The following GRIK2 variants were observed in gnomAD, a reference collection of about 807,000 sequenced individuals.
The protein encoded by GRIK2 is glutamate ionotropic receptor kainate type subunit 2, also known as glutamate receptor ionotropic, kainate 2.
In GRIK2, 32 loss-of-function variants were observed where a neutral mutation model predicts 100.3. That is an observed-to-expected ratio of 0.32 (90% confidence interval 0.24 to 0.43). The LOEUF is 0.43. Among genes scored for constraint, GRIK2 ranks in the 20% least tolerant of loss-of-function variants. GRIK2 has a pLI of 1.00. For synonymous variants in GRIK2, 417 were observed against 389.4 expected, an observed-to-expected ratio of 1.07 and a Z score of -0.83; for missense variants, 843 against 1,114.9, an observed-to-expected ratio of 0.76 and a Z score of 3.47.
intron 10 of GRIK2, among the ~76,000 whole-genome samples, chr6:101,857,917 T>C: frequency 6.6e-6 from 1 of 152,194 alleles, no homozygotes; most frequent in East Asian, 1.9e-4. Context: ...TCTGTCACAC[T>C]GTTGCCAATT....
rs543908721 is a variant in GRIK2 at position 101,657,065 on chromosome 6, A to G, written c.542-19558A>G. On this transcript the variant is annotated intron_variant, in intron 4 of 16. Coordinates refer to ENST00000369134, the MANE Select transcript of GRIK2 (RefSeq NM_021956.5). ...GTGGGGCTGACAATATTTCTTCTTC[A>G]TAGAGTTCATGTGGATAAAATACAC... Among the ~76,000 whole-genome samples, 3 of 152,300 alleles carry G rather than the reference A, an allele frequency of 2.0e-5. No homozygotes were observed. In the South Asian group the frequency reaches 6.2e-4, roughly 32 times the overall value.
intron 11 of GRIK2, among the ~76,000 whole-genome samples, chr6:101,873,805 G>C (rs1204166680): frequency 6.6e-6 from 1 of 151,806 alleles, no homozygotes; most frequent in Non-Finnish European, 1.5e-5. Flanking sequence ...GTGTGAGATG[G>C]TATCTCATTA....
chr6:101,791,915 G>A (rs1169858297), intron 7 of GRIK2, among the ~76,000 whole-genome samples: 1 of 151,888 alleles, frequency 6.6e-6, no homozygotes, highest in Non-Finnish European at 1.5e-5. Flanking sequence ...TATATATTTA[G>A]GATAGTTATC....
intron 2 of GRIK2, among the ~76,000 whole-genome samples, chr6:101,583,082 A>G (rs1778178612): frequency 1.3e-5 from 2 of 152,162 alleles, no homozygotes; most frequent in Admixed American, 6.6e-5. Flanking sequence ...GGAGGCAGAG[A>G]AAGGCCATGA....
At chr6:101,402,716 A>G (rs1163953709) in intron 2 of GRIK2, among the ~76,000 whole-genome samples, 2 of 152,154 alleles carry the variant, frequency 1.3e-5, no homozygotes, top group Non-Finnish European at 2.9e-5. Flanking sequence ...AGGTCGAGCC[A>G]GATGTTCTCT....
In GRIK2 at chr6:101,861,219, A is replaced by G. The variant is rs139575429; in HGVS notation, c.1524+1726A>G. Among the ~76,000 whole-genome samples the G allele has an allele frequency of 2.9e-3, 441 of 152,360 alleles. 4 individuals are homozygous for G. Among genetic ancestry groups the G allele is most frequent in the African/African-American group, 0.01 (419 of 41,590 alleles). On this transcript the variant is annotated intron_variant, in intron 11 of 16. Transcript: ENST00000369134. ...GCGTCTGACATATAGTAGATAATCA[A>G]TAAATAGAGATGTAACTAATAAGCC...
chr6:101,587,151 ACAGG>A (rs1198204944), intron 2 of GRIK2, among the ~76,000 whole-genome samples: 2 of 152,060 alleles, frequency 1.3e-5, no homozygotes, highest in Admixed American at 1.3e-4. Context: ...GAAAAAATGA[ACAGG>A]CAAAGTTGAA....
chr6:101,744,541 T>TATATATATATATACAC (rs1554257102), intron 7 of GRIK2: 1 of 123,116 alleles, frequency 8.1e-6, no homozygotes, highest in African/African-American at 3.3e-5. Flanking sequence ...TATATATATA[T>TATATATATATATACAC]ATATATATAT....
chr6:101,677,905 C>T (rs1455673117), intron 5 of GRIK2, among the ~76,000 whole-genome samples: 1 of 152,036 alleles, frequency 6.6e-6, no homozygotes, highest in Non-Finnish European at 1.5e-5. Flanking sequence ...AAAATATTTA[C>T]TTTGATTTGA....
At chr6:101,725,706 A>C (rs1774811900) in intron 7 of GRIK2, among the ~76,000 whole-genome samples, 1 of 152,008 alleles carries the variant, frequency 6.6e-6, no homozygotes, top group Admixed American at 6.6e-5. Flanking sequence ...TAAGTGTACA[A>C]TTTTAATCTT....
chr6:101,877,199 GTA>G lies in GRIK2; in HGVS notation c.1525-12435_1525-12434del, dbSNP rs1474009302. Reference sequence around the variant, plus strand: ...TTTATACTTCACATATATATGTAGAGTATATATGCATATAGATGTTTATGAAT... The same window carrying G: ...TTTATACTTCACATATATATGTAGAGTATATGCATATAGATGTTTATGAAT... On this transcript the variant is annotated intron_variant, in intron 11 of 16. Coordinates refer to ENST00000369134, the MANE Select transcript of GRIK2 (RefSeq NM_021956.5). 4.6e-5 allele frequency among the ~76,000 whole-genome samples: 7 copies of G among 151,966 alleles called. No homozygotes were observed. The East Asian group carries it at 1.4e-3, about 30-fold the overall frequency.
intron 2 of GRIK2, among the ~76,000 whole-genome samples, chr6:101,501,634 CT>C (rs1343125301): frequency 6.6e-6 from 1 of 152,102 alleles, no homozygotes; most frequent in African/African-American, 2.4e-5. Flanking sequence ...TCCATTTGTA[CT>C]TTTTTGTTTT....
At chr6:101,772,355 T>C (rs1327251600) in intron 7 of GRIK2, among the ~76,000 whole-genome samples, 1 of 152,106 alleles carries the variant, frequency 6.6e-6, no homozygotes, top group Non-Finnish European at 1.5e-5. Context: ...AAGCAGGAAA[T>C]GGACTGAAGT....
At chr6:101,573,440 G>A (rs1777650779) in intron 2 of GRIK2, among the ~76,000 whole-genome samples, 1 of 152,108 alleles carries the variant, frequency 6.6e-6, no homozygotes, top group African/African-American at 2.4e-5. Flanking sequence ...GAAGCCACAG[G>A]CCTTGAGATA....
chr6:101,436,740 A>T (rs1232584019), intron 2 of GRIK2, among the ~76,000 whole-genome samples: 4 of 151,560 alleles, frequency 2.6e-5, no homozygotes, highest in African/African-American at 9.6e-5. Context: ...TATTTTATAG[A>T]GTTTTGGGGA....
At chr6:101,941,743 G>A (rs981050463) in intron 14 of GRIK2, among the ~76,000 whole-genome samples, 2 of 151,990 alleles carry the variant, frequency 1.3e-5, no homozygotes, top group African/African-American at 4.8e-5. Context: ...TTGTAAATAA[G>A]CAAAAGATCT....
chr6:102,066,408 G>A (rs1264256567), intron 16 of GRIK2, among the ~76,000 whole-genome samples: 1 of 151,554 alleles, frequency 6.6e-6, no homozygotes, highest in Non-Finnish European at 1.5e-5. Context: ...GATACATAGA[G>A]CACTGGCAGG....
intron 14 of GRIK2, among the ~76,000 whole-genome samples, chr6:101,929,473 AT>A (rs68002758): frequency 0.47 from 71,413 of 151,458 alleles, 18,182 homozygotes; most frequent in African/African-American, 0.68. Context: ...TGGAAATAGT[AT>A]TTTTTTTTAA....
intron 16 of GRIK2, among the ~76,000 whole-genome samples, chr6:102,059,015 G>A (rs561244095): frequency 6.6e-6 from 1 of 151,218 alleles, no homozygotes; most frequent in South Asian, 2.1e-4. Context: ...AAAATAAAAT[G>A]CCTTTTATAA....
Sources: gnomAD v4.1 joint callset for allele counts (sites outside exome capture counted in the v4.1 genomes callset) on GRCh38, gnomAD v4.1.1 for gene constraint, MANE v1.5 for transcripts, NCBI Gene and HGNC (gene_info 2026-07-23, HGNC 2026-07-21) for gene names.